PTPRT: variants seen among roughly 807,000 people sequenced by gnomAD.
PTPRT encodes protein tyrosine phosphatase receptor type T.
Under a neutral mutation model 176.8 loss-of-function variants are expected in PTPRT, and 56 were observed. That is an observed-to-expected ratio of 0.32 (90% CI 0.26 to 0.40). PTPRT has a LOEUF of 0.40. Ranked by LOEUF, PTPRT falls within the 10% of genes least tolerant of loss-of-function variation. The pLI, the probability that PTPRT is intolerant of heterozygous loss-of-function variation, is 1.00. For synonymous variants in PTPRT, 783 were observed against 739.0 expected (o/e 1.06, Z -0.96); for missense variants, 1,540 against 1,908.2 (o/e 0.81, Z 3.60).
At chr20:42,433,126 C>T (rs1393104139) in intron 9 of PTPRT, among the ~76,000 whole-genome samples, 4 of 152,142 alleles carry the variant, frequency 2.6e-5, no homozygotes, top group South Asian at 2.1e-4. Flanking sequence ...ACCCAGCTGC[C>T]GATGGGGGAT....
chr20:42,589,969 C>A (rs1423628163), intron 7 of PTPRT, among the ~76,000 whole-genome samples: 1 of 152,164 alleles, frequency 6.6e-6, no homozygotes, highest in African/African-American at 2.4e-5. Flanking sequence ...TATGTCCCCT[C>A]CTCTGGGACC....
chr20:42,739,268 T>C (rs2076574750), intron 6 of PTPRT, among the ~76,000 whole-genome samples: 1 of 140,054 alleles, frequency 7.1e-6, no homozygotes, highest in South Asian at 2.4e-4. Flanking sequence ...AACAAGGCAT[T>C]AATAAGAAAT....
intron 1 of PTPRT, among the ~76,000 whole-genome samples, chr20:43,093,614 A>G (rs2011979638): frequency 6.6e-6 from 1 of 152,026 alleles, no homozygotes; most frequent in East Asian, 1.9e-4. Flanking sequence ...CCTCTGATCT[A>G]TTTTCCAAGA....
At chr20:43,125,660 T>C (rs2013411416) in intron 1 of PTPRT, among the ~76,000 whole-genome samples, 1 of 152,244 alleles carries the variant, frequency 6.6e-6, no homozygotes, top group Non-Finnish European at 1.5e-5. Context: ...TTACTGTTCA[T>C]TTGAAACCCA....
chr20:42,365,751 G>A (rs77797394), intron 9 of PTPRT, among the ~76,000 whole-genome samples: 3,296 of 152,204 alleles, frequency 0.022, 132 homozygotes, highest in African/African-American at 0.075. Context: ...ATTTTGGGTC[G>A]CATGTAGCCT....
At chr20:42,673,627 G>A (rs2075449354) in intron 7 of PTPRT, among the ~76,000 whole-genome samples, 1 of 152,170 alleles carries the variant, frequency 6.6e-6, no homozygotes, top group African/African-American at 2.4e-5. Flanking sequence ...CATGGCAGAA[G>A]ACATGAAGGA....
At chr20:43,013,116 T>C (rs1985208865) in intron 1 of PTPRT, among the ~76,000 whole-genome samples, 1 of 152,090 alleles carries the variant, frequency 6.6e-6, no homozygotes, top group South Asian at 2.1e-4. Context: ...TATATCTGCT[T>C]ATGTACTGTA....
intron 2 of PTPRT, among the ~76,000 whole-genome samples, chr20:42,817,258 G>A (rs2077803028): frequency 1.3e-5 from 2 of 152,022 alleles, no homozygotes; most frequent in Admixed American, 6.6e-5. Context: ...AAATAGAAAT[G>A]GATGACCTGT....
At chr20:43,111,580 A>G (rs951015267) in intron 1 of PTPRT, among the ~76,000 whole-genome samples, 2 of 151,302 alleles carry the variant, frequency 1.3e-5, no homozygotes, top group Admixed American at 6.6e-5. Context: ...GAATGGTTAC[A>G]TAATGGGACT....
At chr20:42,715,996 A>G (rs2076217338) in intron 6 of PTPRT, among the ~76,000 whole-genome samples, 1 of 152,198 alleles carries the variant, frequency 6.6e-6, no homozygotes, top group African/African-American at 2.4e-5. Flanking sequence ...ACACTGCTCT[A>G]AAAAATAAAA....
intron 1 of PTPRT, among the ~76,000 whole-genome samples, chr20:43,106,014 G>A (rs1175250165): frequency 1.3e-5 from 2 of 152,002 alleles, no homozygotes; most frequent in Non-Finnish European, 2.9e-5. Context: ...GGGGGTGAGG[G>A]GCAGGTGCCT....
At chr20:42,982,623 G>A (rs1012468114) in intron 1 of PTPRT, among the ~76,000 whole-genome samples, 1 of 151,256 alleles carries the variant, frequency 6.6e-6, no homozygotes, top group African/African-American at 2.4e-5. Context: ...AGTGTAGATG[G>A]ATCGAAAGGG....
chr20:42,768,689 G>C (rs1224988516), intron 5 of PTPRT, among the ~76,000 whole-genome samples: 1 of 152,158 alleles, frequency 6.6e-6, no homozygotes, highest in African/African-American at 2.4e-5. Flanking sequence ...CCTTCTATCT[G>C]GTGTTGTCCC....
intron 8 of PTPRT, among the ~76,000 whole-genome samples, chr20:42,459,714 A>T (rs2070985667): frequency 6.6e-6 from 1 of 152,176 alleles, no homozygotes; most frequent in South Asian, 2.1e-4. Context: ...TTTTTGAGAC[A>T]GGGTCTTGCT....
intron 1 of PTPRT, among the ~76,000 whole-genome samples, chr20:43,042,377 T>TATAC (rs3091646): frequency 0.41 from 61,988 of 151,630 alleles, 15,958 homozygotes; most frequent in African/African-American, 0.73. Flanking sequence ...ACTTAGACAC[T>TATAC]ATCATCTCCC....
At chr20:42,197,252 A>T (rs1169525396) in intron 16 of PTPRT, among the ~76,000 whole-genome samples, 1 of 151,722 alleles carries the variant, frequency 6.6e-6, no homozygotes, top group Non-Finnish European at 1.5e-5. Context: ...GGTGGTGGGC[A>T]CCTGTATTCC....
intron 1 of PTPRT, among the ~76,000 whole-genome samples, chr20:43,026,161 A>G (rs1600657277): frequency 6.6e-6 from 1 of 152,276 alleles, no homozygotes; most frequent in East Asian, 1.9e-4. Context: ...TCTGTCACCC[A>G]GGCTGGAGTG....
In PTPRT at chr20:42,618,329, T is replaced by C. The variant is rs1371911711; in HGVS notation, c.1153+59537A>G. On this transcript the variant is annotated intron_variant, in intron 7 of 30. Transcript: ENST00000373187. Reference sequence around the variant, plus strand: ...GATAGTTTGTTATAATTTCTGTTCTTTTACATTTGCTGAGGAGTGCTTTAC... The same window carrying C: ...GATAGTTTGTTATAATTTCTGTTCTCTTACATTTGCTGAGGAGTGCTTTAC... Among the ~76,000 whole-genome samples, 3 of 135,198 alleles carry C rather than the reference T, an allele frequency of 2.2e-5. 1 individual carries two copies. The highest frequency in any genetic ancestry group is 4.6e-5 in the Non-Finnish European group (3 of 64,568). 88.7% of individuals were successfully genotyped at this position (135,198 alleles called of 152,430 possible).
intron 11 of PTPRT, among the ~76,000 whole-genome samples, chr20:42,341,546 G>C (rs1296328916): frequency 1.3e-5 from 2 of 152,074 alleles, no homozygotes; most frequent in African/African-American, 4.8e-5. Flanking sequence ...TCCATCTCCT[G>C]TGTGTTTCCT....
Sources: allele counts gnomAD v4.1 joint callset (sites outside exome capture counted in the v4.1 genomes callset), GRCh38; gene constraint gnomAD v4.1.1; transcripts MANE v1.5; gene names NCBI Gene and HGNC (gene_info 2026-07-23, HGNC 2026-07-21).